Variants in LHFPL6 observed in about 807,000 individuals in gnomAD.
The protein encoded by LHFPL6 is LHFPL tetraspan subfamily member 6 protein.
In LHFPL6, 9 loss-of-function variants were observed where a neutral mutation model predicts 20.6. The ratio of observed to expected loss-of-function variants is 0.44; its 90% confidence interval spans 0.26 to 0.76. The LOEUF is 0.76. LHFPL6 is among the 30% of genes least tolerant of loss of function. The pLI is 0.20. For synonymous variants in LHFPL6, 105 were observed against 98.7 expected (o/e 1.06, Z -0.38); for missense variants, 218 against 253.5 (o/e 0.86, Z 0.95).
At chr13:39,413,604 T>TTAGG (rs1871285507) in intron 2 of LHFPL6, among the ~76,000 whole-genome samples, 1 of 148,494 alleles carries the variant, frequency 6.7e-6, no homozygotes, top group African/African-American at 2.5e-5. Flanking sequence ...TTTTTTTTCT[T>TTAGG]TAAGTAAGTT....
At chr13:39,418,318 T>C (rs1226928366) in intron 2 of LHFPL6, among the ~76,000 whole-genome samples, 1 of 151,986 alleles carries the variant, frequency 6.6e-6, no homozygotes, top group African/African-American at 2.4e-5. Flanking sequence ...ATGAAATGAT[T>C]GCCTAGAAGT....
At chr13:39,411,574 C>G (rs1359519155) in intron 2 of LHFPL6, among the ~76,000 whole-genome samples, 1 of 152,158 alleles carries the variant, frequency 6.6e-6, no homozygotes, top group African/African-American at 2.4e-5. Flanking sequence ...GTTTATCTCA[C>G]GAGGACCCTT....
At chr13:39,378,342 T>A in intron 3 of LHFPL6, 86 bp downstream of exon 3, 1 of 1,083,366 alleles carries the variant, frequency 9.2e-7, no homozygotes, top group Non-Finnish European at 1.4e-6. Flanking sequence ...GTTTTTCTTA[T>A]CTGTCCCCTT....
rs1871419416 is a variant in LHFPL6, at chr13:39,559,940, C to G, written c.385+40892G>C. On this transcript the variant is annotated intron_variant, in intron 2 of 3. Transcript: ENST00000379589. Reference sequence around the variant, plus strand: ...AACATTTAAGAAAATCCTTCCCACCCTTTACTGAATGAACGCCCTCTCAAT... The same window carrying G: ...AACATTTAAGAAAATCCTTCCCACCGTTTACTGAATGAACGCCCTCTCAAT... Among the ~76,000 whole-genome samples, 4 of 152,126 alleles carry G rather than the reference C, an allele frequency of 2.6e-5. No homozygotes were observed. In the South Asian group the frequency reaches 8.3e-4, roughly 32 times the overall value.
intron 2 of LHFPL6, among the ~76,000 whole-genome samples, chr13:39,472,936 C>T (rs975015741): frequency 6.6e-6 from 1 of 152,146 alleles, no homozygotes; most frequent in Non-Finnish European, 1.5e-5. Context: ...AACAGGCCTT[C>T]ACTAGTATAG....
intron 2 of LHFPL6, among the ~76,000 whole-genome samples, chr13:39,469,454 C>G (rs530102121): frequency 6.6e-6 from 1 of 152,324 alleles, no homozygotes; most frequent in East Asian, 1.9e-4. Flanking sequence ...CTCACATCCA[C>G]TGTGGAATAT....
intron 2 of LHFPL6, among the ~76,000 whole-genome samples, chr13:39,457,223 A>C (rs1178291424): frequency 1.3e-5 from 2 of 152,236 alleles, no homozygotes; most frequent in Admixed American, 6.5e-5. Context: ...ACTAGGAGAA[A>C]ATCTTTGCAA....
intron 3 of LHFPL6, among the ~76,000 whole-genome samples, chr13:39,354,753 G>A (rs958483319): frequency 3.9e-5 from 6 of 152,130 alleles, no homozygotes; most frequent in Admixed American, 6.5e-5. Context: ...CACGAATTTC[G>A]TAATACAGTT....
chr13:39,361,593 G>A (rs1287342968), intron 3 of LHFPL6, among the ~76,000 whole-genome samples: 2 of 152,192 alleles, frequency 1.3e-5, no homozygotes, highest in South Asian at 2.1e-4. Flanking sequence ...TGGGATTACA[G>A]GCGTGAGCCA....
At chr13:39,489,536 A>C (rs1224455103) in intron 2 of LHFPL6, among the ~76,000 whole-genome samples, 1 of 141,434 alleles carries the variant, frequency 7.1e-6, no homozygotes, top group Non-Finnish European at 1.5e-5. Flanking sequence ...AAAGGAATGG[A>C]GAAGTATGCT....
At chr13:39,522,229 C>A (rs1205593972) in intron 2 of LHFPL6, among the ~76,000 whole-genome samples, 1 of 152,228 alleles carries the variant, frequency 6.6e-6, no homozygotes, top group Non-Finnish European at 1.5e-5. Context: ...TCACAAAAAT[C>A]TTAAGAGGCA....
chr13:39,486,268 T>C (rs904979207), intron 2 of LHFPL6, among the ~76,000 whole-genome samples: 3 of 152,204 alleles, frequency 2.0e-5, no homozygotes, highest in Non-Finnish European at 2.9e-5. Flanking sequence ...TGAGTCTCCA[T>C]TGTATCAGGA....
chr13:39,382,524 G>A (rs1870470160), intron 2 of LHFPL6, among the ~76,000 whole-genome samples: 1 of 152,018 alleles, frequency 6.6e-6, no homozygotes, highest in Non-Finnish European at 1.5e-5. Flanking sequence ...TGGGTAGCTG[G>A]GATTACAGGC....
chr13:39,519,603 AT>A (rs571356068), intron 2 of LHFPL6, among the ~76,000 whole-genome samples: 7 of 152,246 alleles, frequency 4.6e-5, no homozygotes, highest in African/African-American at 1.2e-4. Flanking sequence ...ACACTAATAG[AT>A]TTTTTTCTTT....
At chr13:39,565,494 A>C (rs1871684785) in intron 2 of LHFPL6, among the ~76,000 whole-genome samples, 1 of 152,248 alleles carries the variant, frequency 6.6e-6, no homozygotes, top group South Asian at 2.1e-4. Flanking sequence ...ACTATCAGAC[A>C]GCAGAAAACA....
At chr13:39,488,955 C>T (rs1868819973) in intron 2 of LHFPL6, among the ~76,000 whole-genome samples, 1 of 152,082 alleles carries the variant, frequency 6.6e-6, no homozygotes, top group Non-Finnish European at 1.5e-5. Flanking sequence ...CATAAATGCC[C>T]CAATAGAAAA....
chr13:39,453,826 A>T (rs1872507672), intron 2 of LHFPL6, among the ~76,000 whole-genome samples: 1 of 152,246 alleles, frequency 6.6e-6, no homozygotes, highest in South Asian at 2.1e-4. Flanking sequence ...GAATTCAACA[A>T]GCAAGTCGTG....
intron 2 of LHFPL6, among the ~76,000 whole-genome samples, chr13:39,549,938 A>C (rs1221911660): frequency 6.6e-6 from 1 of 152,098 alleles, no homozygotes; most frequent in Non-Finnish European, 1.5e-5. Flanking sequence ...CATTAGACAC[A>C]GAAAGTAGAT....
chr13:39,363,455 T>A (rs984815183), intron 3 of LHFPL6, among the ~76,000 whole-genome samples: 10 of 152,106 alleles, frequency 6.6e-5, no homozygotes, highest in Non-Finnish European at 1.3e-4. Context: ...AATATTGTAG[T>A]TCAAAAGCAA....
Sources: allele counts gnomAD v4.1 joint callset (sites outside exome capture counted in the v4.1 genomes callset), GRCh38; gene constraint gnomAD v4.1.1; transcripts MANE v1.5; gene names NCBI Gene and HGNC (gene_info 2026-07-23, HGNC 2026-07-21).